The following HDAC9 variants were observed in gnomAD, a reference collection of about 807,000 sequenced individuals.
The protein encoded by HDAC9 is histone deacetylase 9.
HDAC9 carries 41 observed loss-of-function variants against 139.4 expected under a neutral mutation model. The ratio of observed to expected loss-of-function variants is 0.29; its 90% confidence interval spans 0.23 to 0.38. The LOEUF (loss-of-function observed/expected upper bound fraction) is 0.38. Ranked by LOEUF, HDAC9 falls within the 10% of genes least tolerant of loss-of-function variation. The probability of loss-of-function intolerance (pLI) is 1.00; values close to 1 mark genes in which losing one functional copy is unlikely to be tolerated. For synonymous variants in HDAC9, 517 were observed against 476.2 expected (o/e 1.09, Z -1.12); for missense variants, 1,147 against 1,297.0 (o/e 0.88, Z 1.78).
At chr7:18,838,101 T>C (rs1376163903) in intron 21 of HDAC9, among the ~76,000 whole-genome samples, 1 of 152,054 alleles carries the variant, frequency 6.6e-6, no homozygotes, top group Non-Finnish European at 1.5e-5. Flanking sequence ...CTGCTATTCA[T>C]CATTTATGAC....
chr7:18,896,636 C>T (rs1801223671), intron 22 of HDAC9, among the ~76,000 whole-genome samples: 1 of 152,070 alleles, frequency 6.6e-6, no homozygotes, highest in African/African-American at 2.4e-5. Context: ...TCATGAATAA[C>T]ACAAAGCTTA....
At chr7:18,357,306 CT>C (rs1487034253) in intron 1 of HDAC9, among the ~76,000 whole-genome samples, 4 of 152,068 alleles carry the variant, frequency 2.6e-5, no homozygotes, top group Non-Finnish European at 5.9e-5. Flanking sequence ...CTGAACAGAC[CT>C]TTAAGCTGTG....
At chr7:18,648,063 A>G in intron 10 of HDAC9, 65 bp downstream of exon 10, 2 of 1,284,378 alleles carry the variant, frequency 1.6e-6, no homozygotes, top group South Asian at 1.4e-5. Context: ...ATCCAGGATA[A>G]TGTCTCTTTT....
chr7:18,475,610 A>G (rs1458554227), intron 1 of HDAC9, among the ~76,000 whole-genome samples: 1 of 152,180 alleles, frequency 6.6e-6, no homozygotes, highest in East Asian at 1.9e-4. Context: ...GCCAGTCACT[A>G]TGCCGCCCCA....
intron 2 of HDAC9, among the ~76,000 whole-genome samples, chr7:18,267,297 G>A (rs1274844212): frequency 6.6e-6 from 1 of 151,794 alleles, no homozygotes; most frequent in Non-Finnish European, 1.5e-5. Context: ...TTTTTGTGGC[G>A]AGAACACTTA....
intron 1 of HDAC9, among the ~76,000 whole-genome samples, chr7:18,411,602 C>G (rs1309204991): frequency 6.6e-6 from 1 of 152,118 alleles, no homozygotes; most frequent in African/African-American, 2.4e-5. Context: ...GTCTTGATCT[C>G]CTGACCTCGT....
intron 1 of HDAC9, among the ~76,000 whole-genome samples, chr7:18,135,384 G>C (rs935406326): frequency 4.3e-5 from 6 of 140,208 alleles, no homozygotes; most frequent in Non-Finnish European, 7.6e-5. Flanking sequence ...CATGTGCCAT[G>C]CTGGTGCGCT....
chr7:18,539,392 A>G (rs1006373088), intron 2 of HDAC9, among the ~76,000 whole-genome samples: 2 of 152,230 alleles, frequency 1.3e-5, no homozygotes, highest in African/African-American at 4.8e-5. Context: ...GAAAGATGGG[A>G]AACTGTCACA....
chr7:18,518,145 C>T (rs1018994800), intron 2 of HDAC9: 7 of 152,128 alleles, frequency 4.6e-5, no homozygotes, highest in Non-Finnish European at 8.8e-5. Context: ...TTCACACACT[C>T]GTGCATTTAT....
intron 14 of HDAC9, among the ~76,000 whole-genome samples, chr7:18,750,020 AGT>A (rs1203964092): frequency 1.3e-5 from 2 of 152,226 alleles, no homozygotes; most frequent in Non-Finnish European, 2.9e-5. Flanking sequence ...CCCAAAATGT[AGT>A]CAACAAAATT....
intron 1 of HDAC9, among the ~76,000 whole-genome samples, chr7:18,310,745 A>T (rs931148219): frequency 6.6e-6 from 1 of 152,036 alleles, no homozygotes; most frequent in South Asian, 2.1e-4. Flanking sequence ...ACTTACAGCT[A>T]TAGAATCAGG....
At chr7:18,625,161 T>C (rs1364184718) in intron 6 of HDAC9, among the ~76,000 whole-genome samples, 1 of 152,144 alleles carries the variant, frequency 6.6e-6, no homozygotes, top group Non-Finnish European at 1.5e-5. Context: ...TTAGAAATAT[T>C]AGTGGTATTG....
chr7:18,316,898 C>G, intron 1 of HDAC9, among the ~76,000 whole-genome samples: 1 of 151,582 alleles, frequency 6.6e-6, no homozygotes, highest in Non-Finnish European at 1.5e-5. Context: ...TCGAGACCAT[C>G]CTGGCTAACA....
At chr7:18,192,000 A>C (rs1394446638) in intron 2 of HDAC9, among the ~76,000 whole-genome samples, 1 of 152,124 alleles carries the variant, frequency 6.6e-6, no homozygotes, top group African/African-American at 2.4e-5. Flanking sequence ...TTCCCCAGCT[A>C]TGTGCTAGAA....
chr7:18,524,925 A>C (rs1008493733), intron 2 of HDAC9, among the ~76,000 whole-genome samples: 29 of 151,986 alleles, frequency 1.9e-4, no homozygotes, highest in Non-Finnish European at 3.5e-4. Flanking sequence ...ATATATATGG[A>C]AAAATATGTA....
intron 2 of HDAC9, among the ~76,000 whole-genome samples, chr7:18,528,718 G>A (rs887286069): frequency 6.6e-6 from 1 of 152,072 alleles, no homozygotes; most frequent in Non-Finnish European, 1.5e-5. Context: ...TTTTATAGTA[G>A]TGATAGATAC....
At position 18,938,136 on chromosome 7, in the gene HDAC9, C is replaced by G. The variant is rs187843518; in HGVS notation, c.2937+2194C>G. On this transcript the variant is annotated intron_variant, in intron 23 of 25. Transcript: ENST00000686413. ...CTTTTCGTGGAGATGAAATACACTGCTTTTGTAGAGCAATTAGTGACTTTA... is the reference window on the plus strand; with the variant it reads ...CTTTTCGTGGAGATGAAATACACTGGTTTTGTAGAGCAATTAGTGACTTTA... Among the ~76,000 whole-genome samples, 11 of 143,292 alleles carry G rather than the reference C, an allele frequency of 7.7e-5. No homozygotes were observed. In the East Asian group the frequency reaches 2.3e-3, roughly 30 times the overall value. 94.0% of individuals were successfully genotyped at this position (143,292 alleles called of 152,430 possible).
intron 2 of HDAC9, among the ~76,000 whole-genome samples, chr7:18,165,687 AG>A (rs1787961278): frequency 6.6e-6 from 1 of 151,804 alleles, no homozygotes; most frequent in Non-Finnish European, 1.5e-5. Context: ...CTACTTAGGA[AG>A]CTGAGGTGGG....
At chr7:18,872,224 T>G (rs1281677789) in intron 21 of HDAC9, among the ~76,000 whole-genome samples, 9 of 152,120 alleles carry the variant, frequency 5.9e-5, no homozygotes, top group Admixed American at 5.9e-4. Flanking sequence ...TTTTTCTTAC[T>G]TTTTGGAATG....
Sources: gnomAD v4.1 joint callset for allele counts (sites outside exome capture counted in the v4.1 genomes callset) on GRCh38, gnomAD v4.1.1 for gene constraint, MANE v1.5 for transcripts, NCBI Gene and HGNC (gene_info 2026-07-23, HGNC 2026-07-21) for gene names.